TAF4B: variants seen among roughly 807,000 people sequenced by gnomAD.
The protein encoded by TAF4B is TATA-box binding protein associated factor 4b.
Under a neutral mutation model 86.4 loss-of-function variants are expected in TAF4B, and 38 were observed. The ratio of observed to expected loss-of-function variants is 0.44; its 90% CI spans 0.34 to 0.58. TAF4B has a LOEUF of 0.58. Ranked by LOEUF, TAF4B falls within the 20% of genes least tolerant of loss-of-function variation. The probability of loss-of-function intolerance (pLI) is 0.02; values close to 1 mark genes in which losing one functional copy is unlikely to be tolerated. For synonymous variants in TAF4B, 388 were observed against 391.2 expected, an observed-to-expected ratio of 0.99 and a Z score of 0.10; for missense variants, 988 against 1,027.6, an observed-to-expected ratio of 0.96 and a Z score of 0.53.
chr18:26,285,512 A>C (rs947750610), intron 6 of TAF4B, among the ~76,000 whole-genome samples: 8 of 151,994 alleles, frequency 5.3e-5, no homozygotes, highest in Non-Finnish European at 1.0e-4. Flanking sequence ...AAGTTACTTA[A>C]TGAAGAGACC....
chr18:26,337,878 C>G (rs546710294), intron 13 of TAF4B, among the ~76,000 whole-genome samples: 1 of 152,266 alleles, frequency 6.6e-6, no homozygotes, highest in Admixed American at 6.5e-5. Context: ...TCTTTGTTCA[C>G]TCATGAATTT....
chr18:26,240,272 T>G (rs990955263), intron 1 of TAF4B, among the ~76,000 whole-genome samples: 1 of 152,234 alleles, frequency 6.6e-6, no homozygotes, highest in Non-Finnish European at 1.5e-5. Flanking sequence ...AGCAGTGGTT[T>G]GTAGTTCTCC....
intron 13 of TAF4B, among the ~76,000 whole-genome samples, chr18:26,355,043 T>C (rs1729111710): frequency 6.6e-6 from 1 of 152,214 alleles, no homozygotes; most frequent in African/African-American, 2.4e-5. Flanking sequence ...TCCATTTGTT[T>C]ATTTATTTTT....
chr18:26,336,822 AC>A (rs1360994706), intron 13 of TAF4B, among the ~76,000 whole-genome samples: 1 of 152,180 alleles, frequency 6.6e-6, no homozygotes, highest in Non-Finnish European at 1.5e-5. Flanking sequence ...CAGAAAGCTT[AC>A]CCTTTTAACC....
At position 26,226,788 on chromosome 18, in the gene TAF4B, C is replaced by T. The variant is rs1354709632; in HGVS notation, c.-146C>T. 1.7e-6 allele frequency: 1 copy of T among 591,340 alleles called. No homozygotes were observed. Among genetic ancestry groups the T allele is most frequent in the Non-Finnish European group, 2.6e-6 (1 of 385,206 alleles). 36.6% of individuals were successfully genotyped at this position (591,340 alleles called of 1,614,324 possible). ...CCTGCCGTGCAGCGGGCGCCCGTCACTGACTTCGCTGCTGCGGCCCCCGCG... is the reference window on the plus strand; with the variant it reads ...CCTGCCGTGCAGCGGGCGCCCGTCATTGACTTCGCTGCTGCGGCCCCCGCG... On this transcript the variant is annotated 5_prime_UTR_variant, in exon 1 of 15. Transcript: ENST00000269142.
At chr18:26,228,897 T>A (rs1398700733) in intron 1 of TAF4B, among the ~76,000 whole-genome samples, 1 of 152,204 alleles carries the variant, frequency 6.6e-6, no homozygotes, top group Non-Finnish European at 1.5e-5. Context: ...ATTTATATTC[T>A]TTTATTTGTT....
At chr18:26,273,528 A>G (rs1027504928) in intron 3 of TAF4B, among the ~76,000 whole-genome samples, 1 of 152,152 alleles carries the variant, frequency 6.6e-6, no homozygotes, top group East Asian at 1.9e-4. Flanking sequence ...CCTTCTATCA[A>G]TTCTCAGCAT....
intron 9 of TAF4B, among the ~76,000 whole-genome samples, chr18:26,311,088 A>T (rs952439668): frequency 6.6e-6 from 1 of 152,172 alleles, no homozygotes; most frequent in African/African-American, 2.4e-5. Context: ...CATACTAGGA[A>T]AAAAGCTGCA....
At chr18:26,313,974 C>A (rs543669813) in intron 9 of TAF4B, among the ~76,000 whole-genome samples, 1 of 152,240 alleles carries the variant, frequency 6.6e-6, no homozygotes, top group Admixed American at 6.6e-5. Flanking sequence ...GGCCTACTTT[C>A]TTTTATTTTG....
intron 9 of TAF4B, among the ~76,000 whole-genome samples, chr18:26,304,486 C>T (rs906952009): frequency 2.6e-5 from 4 of 152,054 alleles, no homozygotes; most frequent in Admixed American, 6.5e-5. Context: ...GTCAATAAAT[C>T]TAAAACTTTG....
At chr18:26,267,811 C>T (rs184350603) in intron 3 of TAF4B, among the ~76,000 whole-genome samples, 188 bp downstream of exon 3, 5 of 152,282 alleles carry the variant, frequency 3.3e-5, no homozygotes, top group African/African-American at 7.2e-5. Context: ...GGTGTACATT[C>T]TTGGAATACC....
At chr18:26,346,773 ATGTG>A (rs756189495) in intron 13 of TAF4B, among the ~76,000 whole-genome samples, 1,255 of 23,910 alleles carry the variant, frequency 0.052, 223 homozygotes, top group South Asian at 0.11. Context: ...ATATATATAT[ATGTG>A]TGTGTATATA....
chr18:26,338,495 G>GT (rs1568160847), intron 13 of TAF4B, among the ~76,000 whole-genome samples: 2 of 125,116 alleles, frequency 1.6e-5, no homozygotes, highest in African/African-American at 3.1e-5. Context: ...TTTTTTTTTG[G>GT]GAGACGGAAT....
chr18:26,312,151 C>T (rs984006643), intron 9 of TAF4B, among the ~76,000 whole-genome samples: 1 of 152,144 alleles, frequency 6.6e-6, no homozygotes, highest in Non-Finnish European at 1.5e-5. Flanking sequence ...CGCATCAGAC[C>T]AGAAGACTTG....
chr18:26,267,672 A>G, intron 3 of TAF4B, 49 bp downstream of exon 3: 1 of 1,339,980 alleles, frequency 7.5e-7, no homozygotes, highest in Non-Finnish European at 1.1e-6. Context: ...TAACTTTTAA[A>G]AAAATCATTT....
intron 9 of TAF4B, among the ~76,000 whole-genome samples, chr18:26,306,782 A>G (rs1207937859): frequency 6.6e-6 from 1 of 150,740 alleles, no homozygotes; most frequent in East Asian, 1.9e-4. Flanking sequence ...TTATTTATTT[A>G]TTTATTTATT....
chr18:26,300,514 T>C (rs2056719565), intron 9 of TAF4B, among the ~76,000 whole-genome samples: 1 of 150,864 alleles, frequency 6.6e-6, no homozygotes, highest in African/African-American at 2.4e-5. Flanking sequence ...TAGTTTCCTT[T>C]CTTTAATTTA....
Position 26,357,676 on chromosome 18 carries a change from C to T in TAF4B, c.2317-14C>T, listed in dbSNP as rs779112976. 7 of 1,577,304 alleles carry T rather than the reference C, an allele frequency of 4.4e-6. No individual in the cohort carries two copies. The highest frequency in any genetic ancestry group is 3.5e-5 in the South Asian group (3 of 85,772). Reference sequence around the variant, plus strand: ...TGTGTATAAACATTGATATTTTTTTCTTCCGTCTTCTAGTTACAGCAATTG... The same window carrying T: ...TGTGTATAAACATTGATATTTTTTTTTTCCGTCTTCTAGTTACAGCAATTG... On this transcript the variant is annotated splice_polypyrimidine_tract_variant and intron_variant, in intron 13 of 14. Coordinates refer to ENST00000269142, the MANE Select transcript of TAF4B (RefSeq NM_005640.3).
chr18:26,331,778 T>C (rs1196250282), intron 12 of TAF4B, among the ~76,000 whole-genome samples: 2 of 152,218 alleles, frequency 1.3e-5, no homozygotes, highest in African/African-American at 4.8e-5. Context: ...TGGACTTTCA[T>C]ACTAACTTCT....
Sources: gnomAD v4.1 joint callset for allele counts (sites outside exome capture counted in the v4.1 genomes callset) on GRCh38, gnomAD v4.1.1 for gene constraint, MANE v1.5 for transcripts, NCBI Gene and HGNC (gene_info 2026-07-23, HGNC 2026-07-21) for gene names.